DHCR24: variants seen among roughly 807,000 people sequenced by gnomAD.
DHCR24 encodes 24-dehydrocholesterol reductase.
Under a neutral mutation model 61.2 loss-of-function variants are expected in DHCR24, and 28 were observed. The ratio of observed to expected loss-of-function variants is 0.46; its 90% CI spans 0.34 to 0.63. The LOEUF (loss-of-function observed/expected upper bound fraction) is 0.63. Ranked by LOEUF, DHCR24 falls within the 20% of genes least tolerant of loss-of-function variation. The pLI, the probability that DHCR24 is intolerant of heterozygous loss-of-function variation, is 0.01. For missense variants in DHCR24, 538 were observed against 679.1 expected (o/e 0.79, Z 2.31); for synonymous variants, 261 against 275.9 (o/e 0.95, Z 0.54).
In DHCR24 at chr1:54,883,598, C is replaced by G. The variant is rs769587736; in HGVS notation, c.387+20G>C. 6.2e-7 allele frequency: 1 copy of G among 1,614,070 alleles called. No individual in the cohort carries two copies. Among genetic ancestry groups the G allele is most frequent in the Non-Finnish European group, 8.5e-7 (1 of 1,180,000 alleles). ...CAGTGCCCCACCTGCTCCCAGAGCC[C>G]GGAAAAGTGCTACTCTCACCTGTTT... On this transcript the variant is annotated intron_variant, in intron 2 of 8. Transcript: ENST00000371269. This position sits in a 1 kb window ranked among gnomAD's most constrained non-coding sequence, Gnocchi z 4.3.
In DHCR24 at chr1:54,887,146, C is replaced by A. The variant is rs532827290; in HGVS notation, c.-27G>T. 2.6e-5 allele frequency: 40 copies of A among 1,536,220 alleles called. No homozygotes were observed. Among genetic ancestry groups the A allele is most frequent in the East Asian group, 7.3e-5 (3 of 40,918 alleles). ...GTGCGGCGCCGCGCGGTAAGCGCTG[C>A]GGGTTCGCGCCTCCTGTCACTGCCG... On this transcript the variant is annotated 5_prime_UTR_variant, in exon 1 of 9. Transcript: ENST00000371269.
chr1:54,863,643 G>A (rs1325556635), intron 6 of DHCR24, among the ~76,000 whole-genome samples: 1 of 152,148 alleles, frequency 6.6e-6, no homozygotes, highest in African/African-American at 2.4e-5. Flanking sequence ...GCTTGGACTT[G>A]ACAATAAATT....
chr1:54,875,002 T>A (rs2101572415), intron 4 of DHCR24, 91 bp downstream of exon 4: 1 of 1,108,324 alleles, frequency 9.0e-7, no homozygotes, highest in Non-Finnish European at 1.4e-6. Context: ...GTACTGGGAA[T>A]GAAGCACACC....
intron 6 of DHCR24, among the ~76,000 whole-genome samples, chr1:54,855,196 T>C (rs602811): frequency 1 from 152,152 of 152,170 alleles, 76,067 homozygotes; most frequent in Non-Finnish European, 1. Context: ...AGATCGAGAC[T>C]ATCCTGGCTA....
intron 2 of DHCR24, 98 bp from the exon 3 acceptor site, chr1:54,876,145 C>T: frequency 2.3e-6 from 2 of 872,984 alleles, no homozygotes; most frequent in Non-Finnish European, 3.9e-6. Context: ...CCTTCCCAAA[C>T]ACTCACTGCA....
At chr1:54,882,658 A>G (rs1005166442) in intron 2 of DHCR24, among the ~76,000 whole-genome samples, 3 of 152,270 alleles carry the variant, frequency 2.0e-5, no homozygotes, top group Non-Finnish European at 2.9e-5. Flanking sequence ...AATATGACTC[A>G]GCAGTGAAAG....
chr1:54,871,828 G>A (rs1021589262), intron 4 of DHCR24, among the ~76,000 whole-genome samples: 13 of 151,992 alleles, frequency 8.6e-5, no homozygotes, highest in African/African-American at 3.1e-4. Flanking sequence ...CTGTCTCAGG[G>A]ACCCTCACTG....
At chr1:54,856,499 G>A (rs953593800) in intron 6 of DHCR24, among the ~76,000 whole-genome samples, 5 of 152,092 alleles carry the variant, frequency 3.3e-5, no homozygotes, top group African/African-American at 1.2e-4. Context: ...TACTCAGGAG[G>A]CGGAGGCAAG....
At chr1:54,878,067 G>A (rs534394842) in intron 2 of DHCR24, among the ~76,000 whole-genome samples, 43 of 151,740 alleles carry the variant, frequency 2.8e-4, no homozygotes, top group African/African-American at 1.0e-3. Context: ...GTGCAGGACA[G>A]AGTACTGGAG....
chr1:54,874,088 G>A (rs75116054), intron 4 of DHCR24, among the ~76,000 whole-genome samples: 1 of 152,206 alleles, frequency 6.6e-6, no homozygotes, highest in Non-Finnish European at 1.5e-5. Flanking sequence ...TAAGCTAAGT[G>A]TTATTACAAG....
chr1:54,865,541 G>T, intron 5 of DHCR24, 95 bp from the exon 6 acceptor site: 1 of 1,546,188 alleles, frequency 6.5e-7, no homozygotes. Context: ...CAGCACTCCT[G>T]GCCTTTTCAA....
chr1:54,873,415 A>C (rs1431086872), intron 4 of DHCR24, among the ~76,000 whole-genome samples: 1 of 152,216 alleles, frequency 6.6e-6, no homozygotes, highest in African/African-American at 2.4e-5. Context: ...TCACTACACT[A>C]CACTTTTAAT....
At chr1:54,884,996 C>G (rs1401540180) in intron 1 of DHCR24, among the ~76,000 whole-genome samples, 5 of 152,148 alleles carry the variant, frequency 3.3e-5, no homozygotes, top group Non-Finnish European at 7.3e-5. Context: ...CAGTTGTACT[C>G]CCAGACTTTT....
intron 2 of DHCR24, among the ~76,000 whole-genome samples, chr1:54,882,269 A>G (rs1473340248): frequency 6.6e-6 from 1 of 152,234 alleles, no homozygotes; most frequent in Non-Finnish European, 1.5e-5. Context: ...ATTAGTCACT[A>G]GGGAAATGTG....
intron 1 of DHCR24, among the ~76,000 whole-genome samples, chr1:54,885,199 A>G (rs376752723): frequency 9.8e-5 from 15 of 152,288 alleles, no homozygotes; most frequent in African/African-American, 3.6e-4. Context: ...ATTAAGGAAG[A>G]GATTCCTGTG....
At position 54,878,558 on chromosome 1, in the gene DHCR24, G is replaced by A. The variant is rs192872592; in HGVS notation, c.388-2511C>T. On this transcript the variant is annotated intron_variant, in intron 2 of 8. Coordinates refer to ENST00000371269, the MANE Select transcript of DHCR24 (RefSeq NM_014762.4). The stretch of plus-strand genomic sequence containing the variant: ...AAAAAAAAAAAGATAATAGGTAATA[G>A]TACCAGGGACTCACACAGGGCAGGA... Among the ~76,000 whole-genome samples the A allele has an allele frequency of 1.8e-3, 242 of 136,042 alleles. No homozygotes were observed. In the South Asian group the frequency reaches 0.029, roughly 16 times the overall value. 89.2% of individuals were successfully genotyped at this position (136,042 alleles called of 152,430 possible). A position where few individuals can be genotyped will look rare whatever the true frequency, so the allele number is the denominator to read the frequency against.
At chr1:54,878,228 A>G (rs1647044789) in intron 2 of DHCR24, among the ~76,000 whole-genome samples, 1 of 151,480 alleles carries the variant, frequency 6.6e-6, no homozygotes, top group Non-Finnish European at 1.5e-5. Context: ...GTAATAGGCT[A>G]GGCATGGTGG....
intron 2 of DHCR24, among the ~76,000 whole-genome samples, chr1:54,882,703 G>A (rs1647069982): frequency 6.6e-6 from 1 of 152,184 alleles, no homozygotes; most frequent in South Asian, 2.1e-4. Context: ...CAACATGGAT[G>A]AATCTCCAAA....
chr1:54,879,596 G>A (rs903351927), intron 2 of DHCR24, among the ~76,000 whole-genome samples: 1 of 152,082 alleles, frequency 6.6e-6, no homozygotes, highest in Non-Finnish European at 1.5e-5. Flanking sequence ...AGAAAAAGGA[G>A]GGGACAGAAA....
Sources: allele counts gnomAD v4.1 joint callset (sites outside exome capture counted in the v4.1 genomes callset), GRCh38; gene constraint gnomAD v4.1.1; non-coding constraint Gnocchi (gnomAD v3.1); transcripts MANE v1.5; gene names NCBI Gene and HGNC (gene_info 2026-07-23, HGNC 2026-07-21).